Variants in KCNH5 observed in about 807,000 individuals in gnomAD.
KCNH5 encodes the protein voltage-gated delayed rectifier potassium channel KCNH5.
In KCNH5, 46 loss-of-function variants were observed where a neutral mutation model predicts 96.1. That is an observed-to-expected ratio of 0.48 (90% CI 0.38 to 0.61). The LOEUF is 0.61. Among genes scored for constraint, KCNH5 ranks in the 20% least tolerant of loss-of-function variants. The probability of loss-of-function intolerance (pLI) is 0.00; values close to 1 mark genes in which losing one functional copy is unlikely to be tolerated. For synonymous variants in KCNH5, 439 were observed against 449.8 expected (o/e 0.98, Z 0.30); for missense variants, 907 against 1,225.8 (o/e 0.74, Z 3.88).
chr14:62,873,530 C>G (rs1888304324), intron 7 of KCNH5, among the ~76,000 whole-genome samples: 1 of 152,058 alleles, frequency 6.6e-6, no homozygotes, highest in Admixed American at 6.6e-5. Flanking sequence ...ATGAGTTGTC[C>G]TACTGGCTAG....
intron 10 of KCNH5, among the ~76,000 whole-genome samples, chr14:62,768,947 G>A (rs944226471): frequency 6.6e-6 from 1 of 152,202 alleles, no homozygotes; most frequent in African/African-American, 2.4e-5. Context: ...GACCAACAGA[G>A]AGCCCTAAAT....
chr14:63,027,817 C>G (rs1891553471), intron 1 of KCNH5, among the ~76,000 whole-genome samples: 1 of 151,956 alleles, frequency 6.6e-6, no homozygotes, highest in African/African-American at 2.4e-5. Context: ...GCTGATCTAA[C>G]AAATAGTGTT....
At position 63,045,122 on chromosome 14, in the gene KCNH5, C is replaced by A. The variant is rs747700661; in HGVS notation, c.65G>T (p.Arg22Leu). The A allele has an allele frequency of 1.2e-6, 2 of 1,613,408 alleles. No homozygotes were observed. The highest frequency in any genetic ancestry group is 1.7e-6 in the Non-Finnish European group (2 of 1,179,664). Residue 22 changes from arginine (R) to leucine (L), a missense_variant, in exon 1 of 11, where the codon CGC becomes CTC. By Grantham distance (102) the Arg-to-Leu change is moderately radical. Transcript: ENST00000322893. ...QNTFLENIVR[R>L]SSESSFLLGN... The stretch of plus-strand genomic sequence containing the variant: ...ACTACAACTCTCCTTACCACTGGAG[C>A]GCCTGACGATGTTCTCCAAAAATGT...
At chr14:62,945,651 G>A (rs1299533803) in intron 7 of KCNH5, among the ~76,000 whole-genome samples, 1 of 152,134 alleles carries the variant, frequency 6.6e-6, no homozygotes, top group East Asian at 1.9e-4. Flanking sequence ...TTAAAGAGTA[G>A]AGACTACAGG....
chr14:62,849,891 CAT>C lies in KCNH5; in HGVS notation c.1370-41_1370-40del, dbSNP rs372510487. ...AATGATAAAAATAAAACAAATATCT[CAT>C]GTGAAAAAAATACAAATATTTGCTA... On this transcript the variant is annotated intron_variant, in intron 7 of 10. Transcript: ENST00000322893. 1,991 of 1,469,176 alleles carry C rather than the reference CAT, an allele frequency of 1.4e-3. 9 individuals carry two copies. Among genetic ancestry groups the C allele is most frequent in the Non-Finnish European group, 1.5e-3 (1,590 of 1,055,038 alleles). The allele number at this position is 1,469,176 out of a possible 1,614,324, so 91.0% of individuals were successfully genotyped here.
intron 6 of KCNH5, among the ~76,000 whole-genome samples, chr14:62,951,188 C>T (rs1180169897): frequency 6.6e-6 from 1 of 151,850 alleles, no homozygotes; most frequent in African/African-American, 2.4e-5. Flanking sequence ...GGTGTGTGGC[C>T]TACTATCCTA....
rs1566654929 is a variant in KCNH5 at position 62,770,296 on chromosome 14, C to T, written c.2019+9432G>A. On this transcript the variant is annotated intron_variant, in intron 10 of 10. Coordinates refer to ENST00000322893, the MANE Select transcript of KCNH5 (RefSeq NM_139318.5). ...AAAGATCATTGCTACTGAGAAGCTT[C>T]ATTGATCACAGAAAAAAATGACATT... Among the ~76,000 whole-genome samples the T allele has an allele frequency of 2.6e-5, 4 of 152,278 alleles. No homozygotes were observed. In the East Asian group the frequency reaches 7.7e-4, roughly 29 times the overall value.
chr14:62,775,080 A>G lies in KCNH5; in HGVS notation c.2019+4648T>C, dbSNP rs138090238. Among the ~76,000 whole-genome samples the G allele has an allele frequency of 1.7e-3, 266 of 152,362 alleles. 2 individuals carry two copies. The highest frequency in any genetic ancestry group is 5.9e-3 in the African/African-American group (247 of 41,590). On this transcript the variant is annotated intron_variant, in intron 10 of 10. Transcript: ENST00000322893. Reference sequence around the variant, plus strand: ...ATAATTGTTAAATAGTAATGAGCATAAATGGCATTTCAAGATATCTTTGGC... The same window carrying G: ...ATAATTGTTAAATAGTAATGAGCATGAATGGCATTTCAAGATATCTTTGGC...
rs958380246 is a variant in KCNH5 at position 62,779,788 on chromosome 14, A to G, written c.1959T>C (p.Tyr653=). The G allele has an allele frequency of 1.1e-5, 17 of 1,613,984 alleles. No homozygotes were observed. The highest frequency in any genetic ancestry group is 4.5e-5 in the East Asian group (2 of 44,886). Residue 653 remains tyrosine, a synonymous_variant, in exon 10 of 11, where the codon TAT becomes TAC. Coordinates refer to ENST00000322893, the MANE Select transcript of KCNH5 (RefSeq NM_139318.5). Reference sequence around the variant, plus strand: ...TTGAGAAGGAGTTTGCAAAAGCTGTATAAAAGTCCAGGACTTTGAGCAAGG... The same window carrying G: ...TTGAGAAGGAGTTTGCAAAAGCTGTGTAAAAGTCCAGGACTTTGAGCAAGG... ...REALLKVLDF[Y]TAFANSFSRN...
chr14:63,044,621 A>C (rs1891887289), intron 1 of KCNH5, among the ~76,000 whole-genome samples: 1 of 152,296 alleles, frequency 6.6e-6, no homozygotes, highest in African/African-American at 2.4e-5. Flanking sequence ...GGCACAAAGC[A>C]CCTTTCCCCG....
intron 7 of KCNH5, among the ~76,000 whole-genome samples, chr14:62,854,004 C>CAAAAAAAAAA (rs548263620): frequency 1.2e-5 from 1 of 84,190 alleles, no homozygotes; most frequent in African/African-American, 4.4e-5. Flanking sequence ...GAGACTCTGT[C>CAAAAAAAAAA]AAAAAAAAAA....
intron 10 of KCNH5, among the ~76,000 whole-genome samples, chr14:62,762,761 A>T (rs1380010402): frequency 6.6e-6 from 1 of 152,108 alleles, no homozygotes; most frequent in African/African-American, 2.4e-5. Context: ...AAAAAAAAAC[A>T]GACTTTAAAT....
intron 7 of KCNH5, among the ~76,000 whole-genome samples, chr14:62,894,662 A>G (rs994575582): frequency 6.6e-6 from 1 of 152,236 alleles, no homozygotes; most frequent in Non-Finnish European, 1.5e-5. Context: ...AATTCTATAT[A>G]GCTTTTGCCT....
rs541046968 is a variant in KCNH5 at position 62,703,931 on chromosome 14, A to T, written c.*3577T>A. The T allele has an allele frequency of 5.3e-5, 8 of 152,052 alleles. No individual in the cohort carries two copies. Among genetic ancestry groups the T allele is most frequent in the Admixed American group, 4.6e-4 (7 of 15,260 alleles). 9.4% of individuals were successfully genotyped at this position (152,052 alleles called of 1,614,324 possible). On this transcript the variant is annotated 3_prime_UTR_variant, in exon 11 of 11. Transcript: ENST00000322893. ...TATCTGCCACTGCACACTTCAAAAC[A>T]GTCACTGCTCTGAAGGCTAATATTA...
At chr14:63,017,102 G>T in intron 1 of KCNH5, 148 bp from the exon 2 acceptor site, 1 of 697,684 alleles carries the variant, frequency 1.4e-6, no homozygotes, top group Non-Finnish European at 2.2e-6. Context: ...TCTTGAAACT[G>T]ACATAACCAG....
At chr14:62,742,401 C>T (rs117653828) in intron 10 of KCNH5, among the ~76,000 whole-genome samples, 6 of 152,088 alleles carry the variant, frequency 3.9e-5, no homozygotes, top group Admixed American at 1.3e-4. Context: ...TATGTCGATA[C>T]CCCCAGGTGA....
chr14:62,951,128 C>T (rs1889997809), intron 6 of KCNH5, among the ~76,000 whole-genome samples: 1 of 152,158 alleles, frequency 6.6e-6, no homozygotes, highest in Non-Finnish European at 1.5e-5. Flanking sequence ...TCATGAGAAT[C>T]ACTGCATTTC....
Position 62,802,264 on chromosome 14 carries a change from C to A in KCNH5, c.1822+65G>T, listed in dbSNP as rs1426896722. ...CAAAGGAAATTTCTCTTTAAAAATG[C>A]GAAAAGCAAAATATCTAAAACTGTT... On this transcript the variant is annotated intron_variant, in intron 9 of 10. Transcript: ENST00000322893. 1.5e-5 allele frequency: 23 copies of A among 1,537,534 alleles called. 1 individual carries two copies. The South Asian group carries it at 1.8e-4, about 12-fold the overall frequency.
chr14:63,022,041 A>G (rs1891438211), intron 1 of KCNH5, among the ~76,000 whole-genome samples: 1 of 152,072 alleles, frequency 6.6e-6, no homozygotes, highest in Admixed American at 6.6e-5. Context: ...TCTTCTGTAA[A>G]CTCTCGATCT....
Sources: allele counts gnomAD v4.1 joint callset (sites outside exome capture counted in the v4.1 genomes callset), GRCh38; gene constraint gnomAD v4.1.1; transcripts MANE v1.5; gene names NCBI Gene and HGNC (gene_info 2026-07-23, HGNC 2026-07-21).